Variants in SFMBT2 observed in about 807,000 individuals in gnomAD.
SFMBT2 encodes the protein Scm like with four mbt domains 2.
A neutral mutation model predicts 110.1 loss-of-function variants in SFMBT2; 38 were observed. The ratio of observed to expected loss-of-function variants is 0.35; its 90% confidence interval spans 0.27 to 0.45. The LOEUF is 0.45. Ranked by LOEUF, SFMBT2 falls within the 20% of genes least tolerant of loss-of-function variation. SFMBT2 has a pLI of 1.00. For missense variants in SFMBT2, 1,011 were observed against 1,094.9 expected, an observed-to-expected ratio of 0.92 and a Z score of 1.08; for synonymous variants, 425 against 425.4, an observed-to-expected ratio of 1.00 and a Z score of 0.01.
At chr10:7,355,852 G>A (rs900910383) in intron 4 of SFMBT2, among the ~76,000 whole-genome samples, 3 of 152,164 alleles carry the variant, frequency 2.0e-5, no homozygotes, top group Non-Finnish European at 4.4e-5. Context: ...CCCAGTCAAT[G>A]TATACAACTG....
At chr10:7,260,226 T>A (rs1841151064) in intron 7 of SFMBT2, among the ~76,000 whole-genome samples, 1 of 152,118 alleles carries the variant, frequency 6.6e-6, no homozygotes, top group South Asian at 2.1e-4. Flanking sequence ...GAAGCCTTTA[T>A]CTATTAAAGG....
chr10:7,164,749 AC>A (rs1334351453), intron 20 of SFMBT2, among the ~76,000 whole-genome samples: 5 of 33,882 alleles, frequency 1.5e-4, no homozygotes, highest in African/African-American at 2.4e-4. Context: ...AAAGGGAAAC[AC>A]ACACACACAC....
chr10:7,266,687 G>A (rs1841404335), intron 7 of SFMBT2, among the ~76,000 whole-genome samples: 1 of 152,208 alleles, frequency 6.6e-6, no homozygotes, highest in Non-Finnish European at 1.5e-5. Context: ...GGCTGCAGTC[G>A]GGGGACGCAA....
chr10:7,298,951 C>T (rs1842485909), intron 4 of SFMBT2, among the ~76,000 whole-genome samples: 1 of 152,186 alleles, frequency 6.6e-6, no homozygotes, highest in Non-Finnish European at 1.5e-5. Flanking sequence ...TGGCTCACAT[C>T]TGTAACCCCA....
intron 2 of SFMBT2, among the ~76,000 whole-genome samples, chr10:7,371,094 C>T (rs925666128): frequency 2.0e-5 from 3 of 152,088 alleles, no homozygotes; most frequent in Admixed American, 1.3e-4. Flanking sequence ...CTCTTAAAAT[C>T]GTAACTATTT....
chr10:7,326,724 G>A (rs1011027438), intron 4 of SFMBT2, among the ~76,000 whole-genome samples: 8 of 152,106 alleles, frequency 5.3e-5, no homozygotes, highest in South Asian at 2.1e-4. Flanking sequence ...ATTAGCCTCC[G>A]TTTTGAGCTG....
At chr10:7,346,014 A>C (rs1298783363) in intron 4 of SFMBT2, among the ~76,000 whole-genome samples, 1 of 152,190 alleles carries the variant, frequency 6.6e-6, no homozygotes, top group African/African-American at 2.4e-5. Context: ...GTGTAGGACA[A>C]AAATAAAAGC....
intron 7 of SFMBT2, among the ~76,000 whole-genome samples, chr10:7,264,587 G>A (rs1199928198): frequency 6.6e-6 from 1 of 152,210 alleles, no homozygotes; most frequent in South Asian, 2.1e-4. Context: ...TTAGTGTCCT[G>A]GGCATATGAC....
At chr10:7,294,494 A>G (rs1412637389) in intron 4 of SFMBT2, among the ~76,000 whole-genome samples, 1 of 152,248 alleles carries the variant, frequency 6.6e-6, no homozygotes, top group African/African-American at 2.4e-5. Flanking sequence ...TATTTCAAGA[A>G]GGAAGGAATA....
chr10:7,400,353 T>A (rs1846040509), intron 1 of SFMBT2, among the ~76,000 whole-genome samples: 1 of 152,188 alleles, frequency 6.6e-6, no homozygotes, highest in South Asian at 2.1e-4. Flanking sequence ...CCGTAAACAC[T>A]GTCTGTTTCT....
intron 11 of SFMBT2, among the ~76,000 whole-genome samples, chr10:7,212,286 T>G (rs139114207): frequency 5.2e-4 from 79 of 152,372 alleles, no homozygotes; most frequent in Admixed American, 1.2e-3. Context: ...CAGCAGTTCT[T>G]AATGGACTGC....
intron 9 of SFMBT2, among the ~76,000 whole-genome samples, chr10:7,239,628 T>C (rs1341253653): frequency 6.6e-6 from 1 of 152,216 alleles, no homozygotes; most frequent in Non-Finnish European, 1.5e-5. Context: ...AATGAAGCCA[T>C]GACTGTCTTT....
Position 7,171,956 on chromosome 10 carries a change from G to A in SFMBT2, c.2354C>T (p.Pro785Leu), listed in dbSNP as rs373894261. Residue 785 changes from proline (P) to leucine (L), a missense_variant, in exon 19 of 21, where the codon CCG (proline) becomes CTG (leucine). Pro to Leu is a moderately conservative substitution (Grantham distance 98, BLOSUM62 -3). This residue lies in a region of SFMBT2 where 979 missense variants were observed against 1,016.1 expected (regional missense o/e 0.96). Transcript: ENST00000397167. The surrounding 1 kb of genome is among the most constrained non-coding windows in gnomAD (Gnocchi z 4.9). ...PERTRRGRGAPAASSAEEGEK... is the reference protein window; with the variant it reads ...PERTRRGRGALAASSAEEGEK... ...CCCTTCCTCTGCTGAGGAGGCAGCC[G>A]GCGCCCCGCGGCCCCTTCGTGTCCT... The A allele has an allele frequency of 6.1e-5, 90 of 1,477,096 alleles. No individual in the cohort carries two copies. The highest frequency in any genetic ancestry group is 2.5e-4 in the East Asian group (10 of 39,452). 91.5% of individuals were successfully genotyped at this position (1,477,096 alleles called of 1,614,324 possible).
At chr10:7,371,252 T>C (rs1194323186) in intron 2 of SFMBT2, among the ~76,000 whole-genome samples, 5 of 152,116 alleles carry the variant, frequency 3.3e-5, no homozygotes, top group African/African-American at 9.7e-5. Flanking sequence ...GCTTCCTAAG[T>C]AGCTGGGACT....
rs559272731 is a variant in SFMBT2, at chr10:7,385,379, C to T, written c.-51-3430G>A. On this transcript the variant is annotated intron_variant, in intron 1 of 20. Transcript: ENST00000397167. ...GCAGCCCACTGTGGAATGCTCAGCTCTCCCAGCTCTCCCTCCAGTGATCAC... is the reference window on the plus strand; with the variant it reads ...GCAGCCCACTGTGGAATGCTCAGCTTTCCCAGCTCTCCCTCCAGTGATCAC... Among the ~76,000 whole-genome samples, 26 of 152,278 alleles carry T rather than the reference C, an allele frequency of 1.7e-4. 1 individual carries two copies. The South Asian group carries it at 3.3e-3, about 19-fold the overall frequency.
chr10:7,362,544 G>A (rs566275728), intron 4 of SFMBT2, among the ~76,000 whole-genome samples: 5 of 152,206 alleles, frequency 3.3e-5, no homozygotes, highest in East Asian at 1.9e-4. Context: ...ATCCCAAAGT[G>A]TCCTCGAAGA....
chr10:7,173,965 C>T (rs889842795), intron 17 of SFMBT2, among the ~76,000 whole-genome samples: 1 of 152,320 alleles, frequency 6.6e-6, no homozygotes, highest in South Asian at 2.1e-4. Flanking sequence ...ATGAGACCAT[C>T]AGGACTAACA....
At chr10:7,232,213 G>A (rs1429870597) in intron 9 of SFMBT2, among the ~76,000 whole-genome samples, 2 of 151,934 alleles carry the variant, frequency 1.3e-5, no homozygotes, top group African/African-American at 2.4e-5. Flanking sequence ...CATTTCCCTC[G>A]GATACAAACT....
chr10:7,175,071 C>T (rs1444858527), intron 17 of SFMBT2, among the ~76,000 whole-genome samples: 11 of 152,252 alleles, frequency 7.2e-5, no homozygotes, highest in South Asian at 2.1e-4. Flanking sequence ...TGTTGACAAA[C>T]GTCACAAGTG....
Sources: allele counts gnomAD v4.1 joint callset (sites outside exome capture counted in the v4.1 genomes callset), GRCh38; gene constraint gnomAD v4.1.1; regional missense constraint gnomAD v4.1.1; non-coding constraint Gnocchi (gnomAD v3.1); transcripts MANE v1.5; gene names NCBI Gene and HGNC (gene_info 2026-07-23, HGNC 2026-07-21).